SNHG17: variants seen among roughly 807,000 people sequenced by gnomAD.
The protein encoded by SNHG17 is small nucleolar RNA host gene 17 (non-protein coding).
At chr20:38,425,343 C>T (rs1248670787) in intron 5 of SNHG17, 6 of 518,670 alleles carry the variant, frequency 1.2e-5, no homozygotes, top group Non-Finnish European at 1.9e-5. Flanking sequence ...CAAAATAGGG[C>T]AGTGAGTGAG....
intron 1 of SNHG17, chr20:38,434,753 G>A: frequency 1.1e-5 from 8 of 756,844 alleles, no homozygotes; most frequent in Non-Finnish European, 1.3e-5. Context: ...TCTGTAAAAT[G>A]AAGGTTCTAA....
At chr20:38,429,593 CA>C in intron 3 of SNHG17, 1 of 418,940 alleles carries the variant, frequency 2.4e-6, no homozygotes, top group East Asian at 7.0e-5. Flanking sequence ...TGCCCTGGGC[CA>C]GGGAGAAGAG....
chr20:38,427,114 T>A (rs1369732793), intron 3 of SNHG17, among the ~76,000 whole-genome samples: 1 of 139,346 alleles, frequency 7.2e-6, no homozygotes, highest in African/African-American at 2.6e-5. Flanking sequence ...AACTGTGCTA[T>A]CCACTGCGAC....
intron 3 of SNHG17, chr20:38,429,890 G>A: frequency 2.1e-6 from 1 of 474,102 alleles, no homozygotes; most frequent in Non-Finnish European, 4.1e-6. Flanking sequence ...CAGCTGACAG[G>A]GCAATGAGCA....
At chr20:38,426,055 CAA>C (rs3073133) in intron 4 of SNHG17, 865 of 83,106 alleles carry the variant, frequency 0.01, 12 homozygotes, top group African/African-American at 0.033. Context: ...GACCCTGCCT[CAA>C]AAAAAAAAAA....
At chr20:38,427,881 G>A (rs2122706916) in intron 3 of SNHG17, 1 of 153,146 alleles carries the variant, frequency 6.5e-6, no homozygotes, top group Non-Finnish European at 1.5e-5. Context: ...GTGCTAGGCA[G>A]GTGGTGTCTA....
At chr20:38,424,226 T>C (rs1180627461) in intron 5 of SNHG17, among the ~76,000 whole-genome samples, 1 of 151,424 alleles carries the variant, frequency 6.6e-6, no homozygotes, top group African/African-American at 2.4e-5. Context: ...AGAAGGCTTT[T>C]GGAGCAGGCC....
At chr20:38,422,350 C>A (rs1568853228) in intron 5 of SNHG17, 1 of 152,294 alleles carries the variant, frequency 6.6e-6, no homozygotes, top group African/African-American at 2.4e-5. Flanking sequence ...CATGGAGCCT[C>A]TGCACACAGC....
chr20:38,432,919 G>A (rs966747300), intron 2 of SNHG17, among the ~76,000 whole-genome samples: 1 of 152,084 alleles, frequency 6.6e-6, no homozygotes, highest in Non-Finnish European at 1.5e-5. Context: ...CAAAGTGCTA[G>A]GATTACAGGT....
intron 5 of SNHG17, chr20:38,422,368 T>C (rs187384094): frequency 2.0e-5 from 3 of 152,300 alleles, no homozygotes; most frequent in Admixed American, 6.5e-5. Flanking sequence ...AGCAGACCCA[T>C]CTGAAACAGA....
At chr20:38,425,354 T>A (rs1003276139) in intron 5 of SNHG17, 1 of 516,852 alleles carries the variant, frequency 1.9e-6, no homozygotes, top group African/African-American at 1.9e-5. Flanking sequence ...AGTGAGTGAG[T>A]TGAGAGGGGA....
chr20:38,425,168 G>A, intron 5 of SNHG17: 1 of 512,746 alleles, frequency 2.0e-6, no homozygotes, highest in Non-Finnish European at 3.9e-6. Context: ...CAGGTACCAG[G>A]AGGTAACATC....
intron 3 of SNHG17, chr20:38,429,280 T>C (rs1054513445): frequency 6.5e-6 from 1 of 154,878 alleles, no homozygotes; most frequent in African/African-American, 2.4e-5. Flanking sequence ...GGCTGCCGTT[T>C]TTCCTTTGTC....
intron 3 of SNHG17, chr20:38,429,679 G>A (rs771115991): frequency 2.2e-5 from 11 of 498,538 alleles, no homozygotes; most frequent in Non-Finnish European, 4.4e-5. Flanking sequence ...GTGTGGGAAA[G>A]CTCCAGGGTT....
At chr20:38,426,117 C>G (rs1423275768) in intron 4 of SNHG17, 1 of 151,822 alleles carries the variant, frequency 6.6e-6, no homozygotes, top group East Asian at 1.9e-4. Context: ...GCCACCAAGT[C>G]CAGAGAAAAC....
chr20:38,428,484 C>T (rs898931641), intron 3 of SNHG17: 1 of 152,274 alleles, frequency 6.6e-6, no homozygotes, highest in African/African-American at 2.4e-5. Flanking sequence ...CTGCCACTCT[C>T]CTGCAACACC....
intron 1 of SNHG17, chr20:38,435,180 C>A: frequency 5.7e-6 from 7 of 1,232,298 alleles, no homozygotes; most frequent in African/African-American, 3.1e-5. Flanking sequence ...CGACCATGCG[C>A]CCTGCTGTGG....
intron 3 of SNHG17, among the ~76,000 whole-genome samples, chr20:38,430,446 A>C (rs1404286666): frequency 6.6e-6 from 1 of 151,792 alleles, no homozygotes; most frequent in Admixed American, 6.6e-5. Flanking sequence ...CCTGGCCAAC[A>C]CCATCTCTAC....
chr20:38,424,252 C>A (rs556491363), intron 5 of SNHG17, among the ~76,000 whole-genome samples: 1 of 151,774 alleles, frequency 6.6e-6, no homozygotes, highest in South Asian at 2.1e-4. Flanking sequence ...TGGCAGTGAT[C>A]AGCACAGACC....
Sources: gnomAD v4.1 joint callset for allele counts (sites outside exome capture counted in the v4.1 genomes callset) on GRCh38, gnomAD v4.1.1 for gene constraint, MANE v1.5 for transcripts, NCBI Gene and HGNC (gene_info 2026-07-23, HGNC 2026-07-21) for gene names.